Variants in CPNE4 observed in about 807,000 individuals in gnomAD.
The protein encoded by CPNE4 is copine 4.
Under a neutral mutation model 67.9 loss-of-function variants are expected in CPNE4, and 25 were observed. The ratio of observed to expected loss-of-function variants is 0.37; its 90% CI spans 0.27 to 0.51. The LOEUF (loss-of-function observed/expected upper bound fraction) is 0.51. CPNE4 is among the 20% of genes least tolerant of loss of function. CPNE4 has a pLI of 0.93. For missense variants in CPNE4, 464 were observed against 690.8 expected, an observed-to-expected ratio of 0.67 and a Z score of 3.68; for synonymous variants, 242 against 244.9, an observed-to-expected ratio of 0.99 and a Z score of 0.11.
Position 132,012,173 on chromosome 3 carries a change from G to GTTT in CPNE4, c.-2+22391_-2+22393dup, listed in dbSNP as rs10663165. 6.2e-4 allele frequency among the ~76,000 whole-genome samples: 85 copies of GTTT among 136,124 alleles called. 2 individuals are homozygous for GTTT. The highest frequency in any genetic ancestry group is 9.3e-4 in the South Asian group (4 of 4,294). The allele number at this position is 136,124 out of a possible 152,430, so 89.3% of individuals were successfully genotyped here. A position where few individuals can be genotyped will look rare whatever the true frequency, so the allele number is the denominator to read the frequency against. On this transcript the variant is annotated intron_variant, in intron 1 of 15. Coordinates refer to ENST00000429747, the MANE Select transcript of CPNE4 (RefSeq NM_130808.3). ...CAGTAAAGCTTTCTTTTGCTTTTTC[G>GTTT]TTTTTTTTTTTTTTTTAGACAGTCT...
chr3:131,824,223 A>G (rs2085068624), intron 2 of CPNE4, among the ~76,000 whole-genome samples: 1 of 152,212 alleles, frequency 6.6e-6, no homozygotes, highest in Non-Finnish European at 1.5e-5. Context: ...TGATTCCATG[A>G]TTCTATGAAA....
chr3:131,905,530 G>A (rs2088713991), intron 1 of CPNE4, 86 bp from the exon 2 acceptor site: 4 of 1,265,232 alleles, frequency 3.2e-6, no homozygotes, highest in Non-Finnish European at 4.3e-6. Flanking sequence ...TCACCCTTCA[G>A]AAAATTGTTT....
At chr3:131,727,906 T>A (rs2082038030) in intron 2 of CPNE4, among the ~76,000 whole-genome samples, 1 of 152,218 alleles carries the variant, frequency 6.6e-6, no homozygotes, top group African/African-American at 2.4e-5. Context: ...TGAGATTTAT[T>A]CATGTGGTCC....
chr3:131,563,737 C>T (rs1401626574), intron 11 of CPNE4, among the ~76,000 whole-genome samples: 1 of 152,026 alleles, frequency 6.6e-6, no homozygotes, highest in African/African-American at 2.4e-5. Context: ...GTACAAATTA[C>T]TTAACCTCCT....
chr3:131,779,807 T>C (rs2083387954), intron 2 of CPNE4, among the ~76,000 whole-genome samples: 1 of 151,630 alleles, frequency 6.6e-6, no homozygotes, highest in South Asian at 2.1e-4. Context: ...CCAAAAGCAA[T>C]CACAAAAAAA....
At position 131,534,391 on chromosome 3, in the gene CPNE4, T is replaced by G. The variant is rs968068910; in HGVS notation, c.*804A>C. ...CTCAAGCAGACTAGAAGCCACGCTG[T>G]TTTTGATGGTCTCCATCATGACACC... On this transcript the variant is annotated 3_prime_UTR_variant, in exon 16 of 16. Coordinates refer to ENST00000429747, the MANE Select transcript of CPNE4 (RefSeq NM_130808.3). The G allele has an allele frequency of 6.6e-6, 1 of 152,170 alleles. No individual in the cohort carries two copies. Among genetic ancestry groups the G allele is most frequent in the Non-Finnish European group, 1.5e-5 (1 of 68,034 alleles). 9.4% of individuals were successfully genotyped at this position (152,170 alleles called of 1,614,324 possible). A position where few individuals can be genotyped will look rare whatever the true frequency, so the allele number is the denominator to read the frequency against.
intron 7 of CPNE4, among the ~76,000 whole-genome samples, chr3:131,615,237 AC>A (rs1186704346): frequency 1.3e-5 from 2 of 152,188 alleles, no homozygotes; most frequent in Non-Finnish European, 2.9e-5. Context: ...AGAATCAAAT[AC>A]CGTAAGATTG....
chr3:131,711,302 T>A (rs1157930557), intron 3 of CPNE4, among the ~76,000 whole-genome samples: 4 of 152,234 alleles, frequency 2.6e-5, no homozygotes, highest in Non-Finnish European at 4.4e-5. Context: ...AACTCAGCAC[T>A]GCTTTTGTCT....
intron 2 of CPNE4, among the ~76,000 whole-genome samples, chr3:131,904,195 G>A (rs141483224): frequency 1.4e-4 from 21 of 152,246 alleles, no homozygotes; most frequent in Middle Eastern, 3.4e-3. Flanking sequence ...GGGGATGTCT[G>A]AATGTGGTTT....
At chr3:131,621,449 T>C (rs995431226) in intron 7 of CPNE4, among the ~76,000 whole-genome samples, 1 of 152,046 alleles carries the variant, frequency 6.6e-6, no homozygotes. Flanking sequence ...CCTTGCTATA[T>C]TGCCTAGGCT....
At chr3:131,655,383 T>C (rs1162156197) in intron 7 of CPNE4, among the ~76,000 whole-genome samples, 1 of 152,182 alleles carries the variant, frequency 6.6e-6, no homozygotes, top group Non-Finnish European at 1.5e-5. Context: ...TCTGTTGTGG[T>C]TCGTTACATC....
chr3:131,608,687 T>C (rs1223567338), intron 7 of CPNE4, among the ~76,000 whole-genome samples: 1 of 152,054 alleles, frequency 6.6e-6, no homozygotes, highest in Admixed American at 6.5e-5. Context: ...ACAGTGAAGG[T>C]CTGTATGAAT....
At chr3:131,774,375 G>T (rs757772981) in intron 2 of CPNE4, among the ~76,000 whole-genome samples, 4 of 151,850 alleles carry the variant, frequency 2.6e-5, no homozygotes, top group Non-Finnish European at 5.9e-5. Context: ...GTAGACACAG[G>T]AGAGTGAGGA....
chr3:131,874,142 G>A (rs993695687), intron 2 of CPNE4, among the ~76,000 whole-genome samples: 2 of 150,706 alleles, frequency 1.3e-5, no homozygotes, highest in East Asian at 2.0e-4. Context: ...AGGCTGGAGT[G>A]CAGTGGCGCA....
In CPNE4 at chr3:131,699,991, G is replaced by A; in HGVS notation, c.361-11C>T. The stretch of plus-strand genomic sequence containing the variant: ...TCTCTGGGAAACAATCTGCAAAAAA[G>A]GAAACAAAAGGTAACAAAAGGTAGA... On this transcript the variant is annotated splice_polypyrimidine_tract_variant and intron_variant, in intron 3 of 15. Transcript: ENST00000429747. 6.5e-7 allele frequency: 1 copy of A among 1,546,942 alleles called. No homozygotes were observed. Among genetic ancestry groups the A allele is most frequent in the South Asian group, 1.1e-5 (1 of 88,902 alleles).
chr3:131,607,979 A>G (rs1161064609), intron 7 of CPNE4, among the ~76,000 whole-genome samples: 2 of 152,170 alleles, frequency 1.3e-5, no homozygotes, highest in African/African-American at 2.4e-5. Context: ...TTTGTATTCT[A>G]TACATCTACT....
At chr3:131,978,769 T>G (rs1234473223) in intron 1 of CPNE4, among the ~76,000 whole-genome samples, 45 of 151,026 alleles carry the variant, frequency 3.0e-4, no homozygotes, top group Non-Finnish European at 2.7e-4. Flanking sequence ...TCTAGCCCCT[T>G]GAGGTATGAC....
chr3:131,902,158 A>G (rs1472075302), intron 2 of CPNE4, among the ~76,000 whole-genome samples: 1 of 152,106 alleles, frequency 6.6e-6, no homozygotes, highest in African/African-American at 2.4e-5. Flanking sequence ...AAGTACCACA[A>G]TATCAATGAA....
Position 131,581,694 on chromosome 3 carries a change from T to C in CPNE4, c.781-29A>G, listed in dbSNP as rs374481255. The C allele has an allele frequency of 3.4e-5, 52 of 1,540,172 alleles. No homozygotes were observed. The East Asian group carries it at 5.8e-4, about 17-fold the overall frequency. On this transcript the variant is annotated intron_variant, in intron 8 of 15. Coordinates refer to ENST00000429747, the MANE Select transcript of CPNE4 (RefSeq NM_130808.3). Reference sequence around the variant, plus strand: ...AAAGAAGGGTCATAGCATGAGAATCTGTTCAGGAAAAAGCTGAGTCTTTCA... The same window carrying C: ...AAAGAAGGGTCATAGCATGAGAATCCGTTCAGGAAAAAGCTGAGTCTTTCA...
Sources: allele counts gnomAD v4.1 joint callset (sites outside exome capture counted in the v4.1 genomes callset), GRCh38; gene constraint gnomAD v4.1.1; transcripts MANE v1.5; gene names NCBI Gene and HGNC (gene_info 2026-07-23, HGNC 2026-07-21).